Variants in CEP126 observed in about 807,000 individuals in gnomAD.
The protein encoded by CEP126 is centrosomal protein of 126 kDa.
Under a neutral mutation model 107.8 loss-of-function variants are expected in CEP126, and 74 were observed. That is an observed-to-expected ratio of 0.69 (90% CI 0.57 to 0.83). CEP126 has a LOEUF of 0.83. Ranked by LOEUF, CEP126 falls within the 40% of genes least tolerant of loss-of-function variation. The pLI, the probability that CEP126 is intolerant of heterozygous loss-of-function variation, is 0.00. For synonymous variants in CEP126, 449 were observed against 446.0 expected, an observed-to-expected ratio of 1.01 and a Z score of -0.08; for missense variants, 1,237 against 1,281.9, an observed-to-expected ratio of 0.96 and a Z score of 0.53.
chr11:101,958,281 C>T lies in CEP126; in HGVS notation c.620C>T (p.Thr207Ile). 6.2e-7 allele frequency: 1 copy of T among 1,613,968 alleles called. No homozygotes were observed. The change falls in exon 5 of 11, where the codon ACC becomes ATC. Residue 207 changes from threonine to isoleucine, a missense_variant. Physicochemically the swap from Thr to Ile is moderately conservative, Grantham distance 89. Transcript: ENST00000263468. Reference protein sequence around the residue: ...EKEMNENMRATLATSKNVFQL... With the variant: ...EKEMNENMRAILATSKNVFQL... ...GAAATGAATGAAAACATGAGGGCAACCTTGGCTACTAGCAAAAATGTGTTC... is the reference window on the plus strand; with the variant it reads ...GAAATGAATGAAAACATGAGGGCAATCTTGGCTACTAGCAAAAATGTGTTC...
chr11:101,931,631 T>C (rs1202522422), intron 2 of CEP126, among the ~76,000 whole-genome samples: 1 of 152,250 alleles, frequency 6.6e-6, no homozygotes, highest in Non-Finnish European at 1.5e-5. Flanking sequence ...TCTCAAAATA[T>C]ATTTAGCTTT....
chr11:101,962,767 A>G lies in CEP126; in HGVS notation c.1732A>G (p.Ile578Val). Residue 578 changes from isoleucine (I) to valine (V), a missense_variant, in exon 6 of 11, where the codon ATT becomes GTT. Ile to Val is a conservative substitution (Grantham distance 29). Transcript: ENST00000263468. ...AAATGGTGTGAGATTTCTTAAAAGT[A>G]TTTTAAAGAAAGAATCTAAATATGA... is the stretch of plus-strand genomic sequence containing the variant. ...ERNGVRFLKS[I>V]LKKESKYEHG... 1 of 1,605,770 alleles carries G rather than the reference A, an allele frequency of 6.2e-7. No homozygotes were observed. Among genetic ancestry groups the G allele is most frequent in the Non-Finnish European group, 8.5e-7 (1 of 1,177,830 alleles).
At chr11:101,927,916 C>T (rs983053787) in intron 2 of CEP126, among the ~76,000 whole-genome samples, 1 of 152,128 alleles carries the variant, frequency 6.6e-6, no homozygotes, top group Non-Finnish European at 1.5e-5. Context: ...GATAAGTGAC[C>T]ATGAGTACTC....
intron 2 of CEP126, among the ~76,000 whole-genome samples, chr11:101,935,213 A>G (rs1940559345): frequency 6.6e-6 from 1 of 151,984 alleles, no homozygotes; most frequent in Non-Finnish European, 1.5e-5. Context: ...GTTGAATTGT[A>G]AGATATATAT....
intron 3 of CEP126, among the ~76,000 whole-genome samples, chr11:101,946,711 T>G (rs2137098179): frequency 6.6e-6 from 1 of 151,728 alleles, no homozygotes; most frequent in African/African-American, 2.4e-5. Context: ...AATACAAAAG[T>G]TAGCCAGGCA....
chr11:101,958,717 A>G (rs1258638059), intron 5 of CEP126, among the ~76,000 whole-genome samples: 2 of 152,170 alleles, frequency 1.3e-5, no homozygotes, highest in Admixed American at 1.3e-4. Flanking sequence ...TATTTTTTCC[A>G]CAACTGAATA....
At chr11:101,948,237 T>A (rs1374455479) in intron 4 of CEP126, 95 bp downstream of exon 4, 3 of 628,992 alleles carry the variant, frequency 4.8e-6, no homozygotes, top group African/African-American at 3.7e-5. Context: ...CTACTCCTCA[T>A]CTGTGTTTTA....
At chr11:101,949,389 G>A (rs2137100224) in intron 4 of CEP126, among the ~76,000 whole-genome samples, 1 of 152,250 alleles carries the variant, frequency 6.6e-6, no homozygotes, top group South Asian at 2.1e-4. Flanking sequence ...ATTGAAACCT[G>A]GGGATATTTC....
In CEP126 at chr11:101,958,290, C is replaced by G. The variant is rs1274365554; in HGVS notation, c.629C>G (p.Thr210Ser). The G allele has an allele frequency of 1.2e-6, 2 of 1,613,972 alleles. No homozygotes were observed. ...MNENMRATLA[T>S]SKNVFQLKLE... is the part of the protein sequence containing the mutation. The stretch of plus-strand genomic sequence containing the variant: ...GAAAACATGAGGGCAACCTTGGCTA[C>G]TAGCAAAAATGTGTTCCAGCTTAAA... Residue 210 changes from threonine to serine, a missense_variant, in exon 5 of 11, where the codon ACT (threonine) becomes AGT (serine). Coordinates refer to ENST00000263468, the MANE Select transcript of CEP126 (RefSeq NM_020802.4).
intron 4 of CEP126, among the ~76,000 whole-genome samples, chr11:101,957,605 T>C (rs1940915936): frequency 7.3e-6 from 1 of 136,520 alleles, no homozygotes; most frequent in African/African-American, 2.5e-5. Flanking sequence ...CTGAAATAAC[T>C]GAAAATAAGT....
At chr11:101,953,473 A>G (rs1314280255) in intron 4 of CEP126, among the ~76,000 whole-genome samples, 2 of 152,206 alleles carry the variant, frequency 1.3e-5, no homozygotes, top group Non-Finnish European at 2.9e-5. Context: ...CAAAGAAAGT[A>G]TGGATATAGA....
chr11:101,916,819 A>G (rs1294948828), intron 1 of CEP126, among the ~76,000 whole-genome samples: 1 of 152,156 alleles, frequency 6.6e-6, no homozygotes, highest in Non-Finnish European at 1.5e-5. Context: ...TTTTGATACA[A>G]ATGCCAAAGA....
chr11:101,942,639 C>A, intron 2 of CEP126, among the ~76,000 whole-genome samples: 1 of 146,204 alleles, frequency 6.8e-6, no homozygotes, highest in African/African-American at 2.5e-5. Flanking sequence ...ATGGATTTTG[C>A]TATTTCTGCA....
chr11:101,990,616 CTGCTT>C (rs1941367776), intron 9 of CEP126, among the ~76,000 whole-genome samples: 1 of 152,116 alleles, frequency 6.6e-6, no homozygotes, highest in Admixed American at 6.6e-5. Context: ...CACACAGGGT[CTGCTT>C]AAGACTGAGC....
intron 9 of CEP126, among the ~76,000 whole-genome samples, chr11:101,988,119 A>G (rs936939070): frequency 1.3e-5 from 2 of 152,218 alleles, no homozygotes; most frequent in African/African-American, 4.8e-5. Context: ...TGTATGCTCT[A>G]AAGTTGTCAG....
chr11:101,935,648 G>A (rs767180912), intron 2 of CEP126, among the ~76,000 whole-genome samples: 1 of 151,938 alleles, frequency 6.6e-6, no homozygotes, highest in South Asian at 2.1e-4. Context: ...CTACTTCTGT[G>A]CTCTGTATTT....
chr11:101,974,663 G>A (rs1450214993), intron 6 of CEP126, among the ~76,000 whole-genome samples: 1 of 152,014 alleles, frequency 6.6e-6, no homozygotes, highest in Non-Finnish European at 1.5e-5. Context: ...TTTTGAGTTT[G>A]GTAGTGAAAC....
intron 5 of CEP126, 89 bp downstream of exon 5, chr11:101,958,455 T>G: frequency 9.8e-7 from 1 of 1,023,072 alleles, no homozygotes; most frequent in Non-Finnish European, 1.5e-6. Flanking sequence ...AAGAAATATC[T>G]TACTAGCTGA....
At chr11:101,933,823 C>T (rs1051922187) in intron 2 of CEP126, among the ~76,000 whole-genome samples, 15 of 149,262 alleles carry the variant, frequency 1.0e-4, no homozygotes, top group Admixed American at 3.3e-4. Context: ...GACCCCCCCC[C>T]CACCAAAACA....
Sources: allele counts gnomAD v4.1 joint callset (sites outside exome capture counted in the v4.1 genomes callset), GRCh38; gene constraint gnomAD v4.1.1; transcripts MANE v1.5; gene names NCBI Gene and HGNC (gene_info 2026-07-23, HGNC 2026-07-21).